MEI4: variants seen among roughly 807,000 people sequenced by gnomAD.
MEI4 encodes meiosis-specific protein MEI4.
MEI4 carries 27 observed loss-of-function variants against 31.4 expected under a neutral mutation model. That is an observed-to-expected ratio of 0.86 (90% CI 0.63 to 1.19). The LOEUF is 1.19. Ranked by LOEUF, MEI4 falls within the 50% of genes most tolerant of loss-of-function variation. The pLI, the probability that MEI4 is intolerant of heterozygous loss-of-function variation, is 0.00. For synonymous variants in MEI4, 122 were observed against 145.4 expected (o/e 0.84, Z 1.16); for missense variants, 329 against 398.9 (o/e 0.82, Z 1.49).
At chr6:77,755,143 C>A (rs1463092482) in intron 2 of MEI4, among the ~76,000 whole-genome samples, 1 of 151,782 alleles carries the variant, frequency 6.6e-6, no homozygotes, top group Non-Finnish European at 1.5e-5. Context: ...TTGAGACCAA[C>A]CTGGGCAACA....
At chr6:77,864,442 T>C (rs1241608080) in intron 4 of MEI4, among the ~76,000 whole-genome samples, 4 of 152,042 alleles carry the variant, frequency 2.6e-5, no homozygotes, top group Non-Finnish European at 5.9e-5. Flanking sequence ...TAGTCTCTGA[T>C]AAAACAGACT....
At chr6:77,757,160 T>C (rs1052488188) in intron 2 of MEI4, among the ~76,000 whole-genome samples, 1 of 152,214 alleles carries the variant, frequency 6.6e-6, no homozygotes, top group African/African-American at 2.4e-5. Flanking sequence ...AAATAACATA[T>C]CTTTCAGGGT....
intron 2 of MEI4, among the ~76,000 whole-genome samples, chr6:77,714,529 T>C (rs1766537013): frequency 6.6e-6 from 1 of 152,212 alleles, no homozygotes. Flanking sequence ...ATAAACTAGG[T>C]AGCATCTAGT....
intron 1 of MEI4, among the ~76,000 whole-genome samples, chr6:77,674,158 C>T (rs1052404034): frequency 6.6e-6 from 1 of 152,126 alleles, no homozygotes; most frequent in Non-Finnish European, 1.5e-5. Context: ...CTTCCTTCAG[C>T]AGTGGGGTTG....
intron 3 of MEI4, among the ~76,000 whole-genome samples, chr6:77,813,493 C>T (rs896077140): frequency 1.4e-5 from 2 of 143,342 alleles, no homozygotes; most frequent in Non-Finnish European, 3.0e-5. Context: ...ATCTCTTCTT[C>T]AGGACATTCT....
chr6:77,768,008 T>A (rs1441950293), intron 3 of MEI4, among the ~76,000 whole-genome samples: 1 of 152,174 alleles, frequency 6.6e-6, no homozygotes, highest in Non-Finnish European at 1.5e-5. Context: ...TTATAGTTTA[T>A]AAAGTACTTT....
At chr6:77,862,713 G>C (rs990269218) in intron 4 of MEI4, among the ~76,000 whole-genome samples, 4 of 152,144 alleles carry the variant, frequency 2.6e-5, no homozygotes, top group South Asian at 2.1e-4. Flanking sequence ...TGTCTGACAG[G>C]TTTGAAGAGA....
intron 3 of MEI4, among the ~76,000 whole-genome samples, chr6:77,763,551 C>T (rs79712897): frequency 0.012 from 1,848 of 152,244 alleles, 46 homozygotes; most frequent in African/African-American, 0.042. Context: ...AACTGTTCAG[C>T]AATGGTTGGC....
chr6:77,781,034 A>G lies in MEI4; in HGVS notation c.768+19369A>G, dbSNP rs571878948. On this transcript the variant is annotated intron_variant, in intron 3 of 4. Coordinates refer to ENST00000684080, the MANE Select transcript of MEI4 (RefSeq NM_001322247.2). ...CTCTAGTAGCCGAGACTGCATGCCC[A>G]CAGAACCATGCTCAGCTAATTTTTA... Among the ~76,000 whole-genome samples, 43 of 152,156 alleles carry G rather than the reference A, an allele frequency of 2.8e-4. 1 individual carries two copies. In the Middle Eastern group the frequency reaches 0.01, roughly 36 times the overall value.
At chr6:77,795,333 T>C (rs964810562) in intron 3 of MEI4, among the ~76,000 whole-genome samples, 15 of 152,230 alleles carry the variant, frequency 9.9e-5, no homozygotes, top group African/African-American at 2.4e-4. Flanking sequence ...GAGATCCAAA[T>C]TGATTAAAAA....
chr6:77,735,618 CCTT>C (rs759479462), intron 2 of MEI4, among the ~76,000 whole-genome samples: 1 of 152,042 alleles, frequency 6.6e-6, no homozygotes, highest in South Asian at 2.1e-4. Flanking sequence ...TTGTCTGAAG[CCTT>C]CTTCTCTTAG....
chr6:77,726,949 T>C (rs908977529), intron 2 of MEI4, among the ~76,000 whole-genome samples: 13 of 152,238 alleles, frequency 8.5e-5, no homozygotes, highest in Non-Finnish European at 1.3e-4. Flanking sequence ...CAATGATGTA[T>C]GTATATGCTA....
intron 4 of MEI4, among the ~76,000 whole-genome samples, chr6:77,894,412 G>A (rs554458042): frequency 3.9e-5 from 6 of 152,000 alleles, no homozygotes; most frequent in African/African-American, 9.6e-5. Context: ...AGAAAGAAAC[G>A]TAATACAAGT....
intron 2 of MEI4, among the ~76,000 whole-genome samples, chr6:77,756,313 T>C (rs1251116746): frequency 6.6e-6 from 1 of 152,190 alleles, no homozygotes; most frequent in Non-Finnish European, 1.5e-5. Context: ...TTCCTATTTA[T>C]GTTTTTTCTC....
chr6:77,815,267 A>G (rs73760901), intron 3 of MEI4, among the ~76,000 whole-genome samples: 2,963 of 152,184 alleles, frequency 0.019, 99 homozygotes, highest in African/African-American at 0.067. Context: ...GATGTTAACA[A>G]ACTTAGGCAA....
At chr6:77,919,322 C>G (rs568862846) in intron 4 of MEI4, among the ~76,000 whole-genome samples, 1 of 152,162 alleles carries the variant, frequency 6.6e-6, no homozygotes, top group Non-Finnish European at 1.5e-5. Context: ...TGCAATCAAA[C>G]TAGAACTCAG....
chr6:77,859,908 A>T, intron 4 of MEI4, among the ~76,000 whole-genome samples: 1 of 152,186 alleles, frequency 6.6e-6, no homozygotes, highest in East Asian at 1.9e-4. Flanking sequence ...TCTGCCATTG[A>T]TCAAAAGCCA....
chr6:77,748,265 C>T (rs924239057), intron 2 of MEI4, among the ~76,000 whole-genome samples: 2 of 152,212 alleles, frequency 1.3e-5, no homozygotes, highest in African/African-American at 4.8e-5. Context: ...TGAGGCCTCT[C>T]CCCCTGCAGC....
intron 4 of MEI4, among the ~76,000 whole-genome samples, chr6:77,900,020 T>C (rs1270570404): frequency 2.0e-5 from 3 of 149,816 alleles, no homozygotes; most frequent in East Asian, 2.0e-4. Context: ...AAAACCAAAA[T>C]AGACACATGG....
Sources: gnomAD v4.1 joint callset for allele counts (sites outside exome capture counted in the v4.1 genomes callset) on GRCh38, gnomAD v4.1.1 for gene constraint, MANE v1.5 for transcripts, NCBI Gene and HGNC (gene_info 2026-07-23, HGNC 2026-07-21) for gene names.